The following NOL11 variants were observed in gnomAD, a reference collection of about 807,000 sequenced individuals.
The protein encoded by NOL11 is nucleolar protein 11.
A neutral mutation model predicts 93.0 loss-of-function variants in NOL11; 42 were observed. The ratio of observed to expected loss-of-function variants is 0.45; its 90% CI spans 0.35 to 0.58. NOL11 has a LOEUF of 0.58. Among genes scored for constraint, NOL11 ranks in the 20% least tolerant of loss-of-function variants. The pLI is 0.00. For missense variants in NOL11, 775 were observed against 841.8 expected, an observed-to-expected ratio of 0.92 and a Z score of 0.98; for synonymous variants, 296 against 293.7, an observed-to-expected ratio of 1.01 and a Z score of -0.08.
rs541906796 is a variant in NOL11 at position 67,739,509 on chromosome 17, C to T, written c.1843-7C>T. ...ATGATAAACTATCCATTTTTTTTCC[C>T]ACCCAGCTGTTTCTTAAGTATTTGT... On this transcript the variant is annotated splice_region_variant and splice_polypyrimidine_tract_variant and intron_variant, in intron 15 of 17. Transcript: ENST00000253247. 6.4e-5 allele frequency: 99 copies of T among 1,535,646 alleles called. No individual in the cohort carries two copies. In the South Asian group the frequency reaches 1.1e-3, roughly 17 times the overall value.
chr17:67,732,721 A>G (rs2055165654), intron 7 of NOL11, among the ~76,000 whole-genome samples: 1 of 151,178 alleles, frequency 6.6e-6, no homozygotes, highest in Non-Finnish European at 1.5e-5. Context: ...CTACAGGTGC[A>G]TGCCATCATG....
chr17:67,741,863 C>T (rs1031865106), intron 16 of NOL11, among the ~76,000 whole-genome samples: 1 of 152,138 alleles, frequency 6.6e-6, no homozygotes, highest in Non-Finnish European at 1.5e-5. Context: ...CGCACCCGGC[C>T]CACTCAGCAC....
Position 67,721,490 on chromosome 17 carries a change from A to T in NOL11, c.425A>T (p.Lys142Ile). The change falls in exon 4 of 18, where the codon AAA becomes ATA. Residue 142 changes from lysine to isoleucine, a missense_variant. Physicochemically the swap from Lys to Ile is moderately radical, Grantham distance 102. Transcript: ENST00000253247. Reference sequence around the variant, plus strand: ...GCCTTGCTTGCAGACCCCCAGCAGAAAATTGAAACTGTTATCTCTGATGAA... The same window carrying T: ...GCCTTGCTTGCAGACCCCCAGCAGATAATTGAAACTGTTATCTCTGATGAA... ...LEALLADPQQ[K>I]IETVISDEEV... 7 of 1,613,974 alleles carry T rather than the reference A, an allele frequency of 4.3e-6. No individual in the cohort carries two copies. The highest frequency in any genetic ancestry group is 5.1e-6 in the Non-Finnish European group (6 of 1,179,920).
At position 67,736,012 on chromosome 17, in the gene NOL11, G is replaced by A; in HGVS notation, c.1043G>A (p.Ser348Asn). Reference sequence around the variant, plus strand: ...GGTGCTCTTGGAAAACTCAAGCATAGTCAAGATCCAGGTAGAAACTTACTT... The same window carrying A: ...GGTGCTCTTGGAAAACTCAAGCATAATCAAGATCCAGGTAGAAACTTACTT... ...LAGALGKLKH[S>N]QDPGTHVVSH... is the part of the protein sequence containing the mutation. Residue 348 changes from serine (S) to asparagine (N), a missense_variant, in exon 9 of 18, where the codon AGT becomes AAT. Coordinates refer to ENST00000253247, the MANE Select transcript of NOL11 (RefSeq NM_015462.5). 6.2e-7 allele frequency: 1 copy of A among 1,604,666 alleles called. No homozygotes were observed. The highest frequency in any genetic ancestry group is 8.5e-7 in the Non-Finnish European group (1 of 1,176,100).
intron 7 of NOL11, among the ~76,000 whole-genome samples, chr17:67,732,954 A>T: frequency 6.6e-6 from 1 of 152,080 alleles, no homozygotes. Flanking sequence ...GTACCCTGCA[A>T]CCTTGCTGAA....
intron 9 of NOL11, 150 bp downstream of exon 9, chr17:67,736,173 C>T (rs1299557680): frequency 1.1e-5 from 8 of 710,052 alleles, no homozygotes; most frequent in East Asian, 5.9e-5. Flanking sequence ...AGGCCAGGCA[C>T]GGTGTCTCAC....
chr17:67,735,602 T>G (rs2055194252), intron 8 of NOL11, among the ~76,000 whole-genome samples: 1 of 152,032 alleles, frequency 6.6e-6, no homozygotes, highest in African/African-American at 2.4e-5. Context: ...TTGGTAATTA[T>G]TATGTTAATA....
chr17:67,734,990 T>C (rs2055188248), intron 8 of NOL11, among the ~76,000 whole-genome samples: 1 of 152,222 alleles, frequency 6.6e-6, no homozygotes, highest in Admixed American at 6.5e-5. Flanking sequence ...TGCTCTTTGG[T>C]TTTGTCTTTT....
At chr17:67,727,406 A>G (rs1327175410) in intron 7 of NOL11, among the ~76,000 whole-genome samples, 2 of 152,208 alleles carry the variant, frequency 1.3e-5, no homozygotes, top group Non-Finnish European at 1.5e-5. Flanking sequence ...CAATGCCTAT[A>G]ATCCCAGCAC....
intron 7 of NOL11, among the ~76,000 whole-genome samples, chr17:67,729,887 A>G (rs1049705311): frequency 3.3e-5 from 5 of 152,056 alleles, no homozygotes; most frequent in African/African-American, 1.2e-4. Flanking sequence ...CCCATCATAC[A>G]ATACTTTTTG....
chr17:67,735,894 T>C lies in NOL11; in HGVS notation c.931-6T>C. On this transcript the variant is annotated splice_region_variant and splice_polypyrimidine_tract_variant and intron_variant, in intron 8 of 17. Transcript: ENST00000253247. ...TTGCTTATGTTTTTGATAACTTTTTTTGTAGCTCTGGTATTATGGAGAACA... is the reference window on the plus strand; with the variant it reads ...TTGCTTATGTTTTTGATAACTTTTTCTGTAGCTCTGGTATTATGGAGAACA... 6.3e-7 allele frequency: 1 copy of C among 1,598,020 alleles called. No homozygotes were observed. Among genetic ancestry groups the C allele is most frequent in the Non-Finnish European group, 8.5e-7 (1 of 1,174,880 alleles).
chr17:67,726,680 T>C, intron 7 of NOL11, 32 bp downstream of exon 7: 1 of 1,492,682 alleles, frequency 6.7e-7, no homozygotes, highest in Non-Finnish European at 9.1e-7. Flanking sequence ...AAGAAGGCCT[T>C]TGTATGTTTC....
chr17:67,724,287 C>T, intron 6 of NOL11, 94 bp downstream of exon 6: 2 of 641,546 alleles, frequency 3.1e-6, no homozygotes, highest in Non-Finnish European at 2.5e-6. Context: ...GTGAAGCATT[C>T]AGTTACAGCC....
In NOL11 at chr17:67,730,520, G is replaced by T. The variant is rs543406708; in HGVS notation, c.854-3843G>T. Reference sequence around the variant, plus strand: ...CATGATCCGCCCGCCTCAGCCTCCCGAAGTGCTGGGATTACAGGCGTGAGC... The same window carrying T: ...CATGATCCGCCCGCCTCAGCCTCCCTAAGTGCTGGGATTACAGGCGTGAGC... On this transcript the variant is annotated intron_variant, in intron 7 of 17. Transcript: ENST00000253247. 1.6e-4 allele frequency among the ~76,000 whole-genome samples: 24 copies of T among 152,082 alleles called. No individual in the cohort carries two copies. The East Asian group carries it at 3.5e-3, about 22-fold the overall frequency.
In NOL11 at chr17:67,718,389, C is replaced by T. The variant is rs143124718; in HGVS notation, c.141+301C>T. ...GCGGAATTGGCCTTGCTAAGATTCC[C>T]TCCTAGGGTCTTTATTATCTTAGCC... On this transcript the variant is annotated intron_variant, in intron 1 of 17. Coordinates refer to ENST00000253247, the MANE Select transcript of NOL11 (RefSeq NM_015462.5). 3.4e-4 allele frequency among the ~76,000 whole-genome samples: 51 copies of T among 152,210 alleles called. 1 individual carries two copies. In the East Asian group the frequency reaches 9.1e-3, roughly 27 times the overall value.
At chr17:67,727,165 G>A (rs2055103414) in intron 7 of NOL11, 1 of 152,988 alleles carries the variant, frequency 6.5e-6, no homozygotes, top group Non-Finnish European at 1.5e-5. Context: ...GCCAGTGCAG[G>A]ATAGCAGACC....
intron 1 of NOL11, among the ~76,000 whole-genome samples, chr17:67,718,460 A>T (rs114700016): frequency 7.3e-4 from 111 of 152,274 alleles, no homozygotes; most frequent in African/African-American, 2.6e-3. Flanking sequence ...GGAGAGGATG[A>T]CACTGACAGA....
intron 7 of NOL11, chr17:67,727,028 T>C (rs2055101599): frequency 6.3e-6 from 1 of 159,186 alleles, no homozygotes. Context: ...CCTTGAAATG[T>C]GGGAACTAAT....
At chr17:67,739,140 A>C in intron 15 of NOL11, 130 bp downstream of exon 15, 1 of 673,274 alleles carries the variant, frequency 1.5e-6, no homozygotes, top group Non-Finnish European at 2.5e-6. Flanking sequence ...GCCCAGCTCT[A>C]ATGGCAAAAA....
Sources: gnomAD v4.1 joint callset for allele counts (sites outside exome capture counted in the v4.1 genomes callset) on GRCh38, gnomAD v4.1.1 for gene constraint, MANE v1.5 for transcripts, NCBI Gene and HGNC (gene_info 2026-07-23, HGNC 2026-07-21) for gene names.